The following UBE2D3 variants were observed in gnomAD, a reference collection of about 807,000 sequenced individuals.
UBE2D3 encodes ubiquitin-conjugating enzyme E2 D3.
Under a neutral mutation model 22.8 loss-of-function variants are expected in UBE2D3, and 2 were observed. The observed-to-expected ratio is 0.09, with a 90% CI of 0.04 to 0.28. UBE2D3 has a LOEUF of 0.28. UBE2D3 is among the 10% of genes least tolerant of loss of function. The pLI is 1.00. For synonymous variants in UBE2D3, 56 were observed against 60.4 expected (o/e 0.93, Z 0.34); for missense variants, 27 against 182.5 (o/e 0.15, Z 4.91).
At position 102,868,576 on chromosome 4, in the gene UBE2D3, A is replaced by G. The variant is rs902789952; in HGVS notation, c.-129+139T>C. 4.9e-6 allele frequency: 5 copies of G among 1,011,724 alleles called. No homozygotes were observed. In the African/African-American group the frequency reaches 7.9e-5, roughly 16 times the overall value. 62.7% of individuals were successfully genotyped at this position (1,011,724 alleles called of 1,614,324 possible). A position where few individuals can be genotyped will look rare whatever the true frequency, so the allele number is the denominator to read the frequency against. ...TTTTTTAAGCCTGGCCTTTGGGTGA[A>G]GGAGTAAAATTAGGCACTGGGGTCT... On this transcript the variant is annotated intron_variant, in intron 1 of 7. Transcript: ENST00000338145.
At chr4:102,859,951 T>C (rs1578300076) in intron 1 of UBE2D3, among the ~76,000 whole-genome samples, 1 of 151,894 alleles carries the variant, frequency 6.6e-6, no homozygotes, top group East Asian at 1.9e-4. Context: ...GTTCACACCA[T>C]TCTCCTGCCT....
chr4:102,819,688 A>G, intron 2 of UBE2D3: 1 of 683,492 alleles, frequency 1.5e-6, no homozygotes, highest in Non-Finnish European at 1.8e-6. Flanking sequence ...TACCTTTAAG[A>G]CAGTAAAATT....
chr4:102,813,230 C>T (rs558994889), intron 2 of UBE2D3, among the ~76,000 whole-genome samples: 2 of 152,300 alleles, frequency 1.3e-5, no homozygotes, highest in African/African-American at 4.8e-5. Context: ...ACTACAGTGG[C>T]TATTCACAGG....
At chr4:102,811,155 C>G (rs919814960) in intron 2 of UBE2D3, 13 of 152,178 alleles carry the variant, frequency 8.5e-5, no homozygotes, top group Admixed American at 7.9e-4. Context: ...TGACTGAGAC[C>G]AGCCTGAACA....
intron 4 of UBE2D3, among the ~76,000 whole-genome samples, chr4:102,805,377 C>G (rs1007915591): frequency 1.3e-5 from 2 of 152,174 alleles, no homozygotes; most frequent in South Asian, 4.1e-4. Context: ...TCAAATCGTA[C>G]AAGTCCAGAA....
At chr4:102,802,926 C>G (rs573887968) in intron 4 of UBE2D3, among the ~76,000 whole-genome samples, 6 of 152,242 alleles carry the variant, frequency 3.9e-5, no homozygotes, top group Admixed American at 3.9e-4. Context: ...AAGTACAACA[C>G]AGCAATAAAG....
rs141000801 is a variant in UBE2D3 at position 102,824,001 on chromosome 4, T to C, written c.24+2484A>G. ...CTTGACCCCATATTTCTAGAAGAGG[T>C]GCCTAAACCGAAGAGCATTCCAGTT... is the stretch of plus-strand genomic sequence containing the variant. On this transcript the variant is annotated intron_variant, in intron 2 of 7. Transcript: ENST00000453744. Among the ~76,000 whole-genome samples, 554 of 152,258 alleles carry C rather than the reference T, an allele frequency of 3.6e-3. 1 individual carries two copies. The highest frequency in any genetic ancestry group is 6.8e-3 in the Admixed American group (104 of 15,288).
chr4:102,829,685 C>A (rs571871973), upstream of UBE2D3, among the ~76,000 whole-genome samples: 3 of 152,288 alleles, frequency 2.0e-5, no homozygotes, highest in East Asian at 5.8e-4. Flanking sequence ...CGCCTGTAAT[C>A]CCAGCACTTT....
chr4:102,831,435 C>G (rs75811996), upstream of UBE2D3, among the ~76,000 whole-genome samples: 1 of 152,030 alleles, frequency 6.6e-6, no homozygotes, highest in Admixed American at 6.6e-5. Flanking sequence ...GAGCATTTTT[C>G]CACACAAAAA....
chr4:102,801,766 A>C, intron 5 of UBE2D3: 1 of 432,220 alleles, frequency 2.3e-6, no homozygotes, highest in Non-Finnish European at 4.1e-6. Flanking sequence ...TAAAAATTTC[A>C]TTACTCATAT....
chr4:102,801,287 AG>A (rs989555436), intron 6 of UBE2D3, among the ~76,000 whole-genome samples, 166 bp downstream of exon 6: 9 of 152,020 alleles, frequency 5.9e-5, no homozygotes, highest in African/African-American at 1.7e-4. Context: ...CTTCTCACAA[AG>A]TATCTTTAAT....
At chr4:102,817,332 G>A (rs1728912853) in intron 2 of UBE2D3, among the ~76,000 whole-genome samples, 1 of 152,256 alleles carries the variant, frequency 6.6e-6, no homozygotes, top group African/African-American at 2.4e-5. Flanking sequence ...AATGAGTTTT[G>A]ATTTTTAAAT....
intron 4 of UBE2D3, chr4:102,809,171 AG>A (rs1479827919): frequency 6.0e-6 from 2 of 333,882 alleles, no homozygotes; most frequent in Admixed American, 3.0e-5. Context: ...TACCCAGGAT[AG>A]AAAGGAATTT....
chr4:102,815,729 C>T (rs1229527263), intron 2 of UBE2D3, among the ~76,000 whole-genome samples: 5 of 152,020 alleles, frequency 3.3e-5, no homozygotes, highest in South Asian at 2.1e-4. Flanking sequence ...GCCTTACTTT[C>T]GAAGTTCTCC....
Position 102,826,760 on chromosome 4 carries a change from C to A in UBE2D3, c.-128-124G>T, listed in dbSNP as rs1578270330. ...GTGGCGTGGCAAAGCCACCAACAGC[C>A]TCTGTACCGTGCTTTCGGCCCGAAG... On this transcript the variant is annotated intron_variant, in intron 1 of 7. Coordinates refer to ENST00000453744, the MANE Select transcript of UBE2D3 (RefSeq NM_181891.3). 11 of 1,338,846 alleles carry A rather than the reference C, an allele frequency of 8.2e-6. 1 individual carries two copies. The East Asian group carries it at 3.3e-4, about 40-fold the overall frequency. 82.9% of individuals were successfully genotyped at this position (1,338,846 alleles called of 1,614,324 possible). A position where few individuals can be genotyped will look rare whatever the true frequency, so the allele number is the denominator to read the frequency against.
chr4:102,827,460 C>T lies in UBE2D3; in HGVS notation c.-162G>A, dbSNP rs1322595411. 4.1e-6 allele frequency: 4 copies of T among 986,126 alleles called. No homozygotes were observed. In the South Asian group the frequency reaches 1.4e-4, roughly 35 times the overall value. The allele number at this position is 986,126 out of a possible 1,614,324, so 61.1% of individuals were successfully genotyped here. A position where few individuals can be genotyped will look rare whatever the true frequency, so the allele number is the denominator to read the frequency against. ...CGGGGCCTCCCTCAAGCTGCGGCCT[C>T]GGCCTCCTCCCCGCGCGGCAGCTGG... On this transcript the variant is annotated 5_prime_UTR_variant, in exon 1 of 8. Coordinates refer to ENST00000453744, the MANE Select transcript of UBE2D3 (RefSeq NM_181891.3).
intron 1 of UBE2D3, among the ~76,000 whole-genome samples, chr4:102,836,030 A>G (rs977999874): frequency 2.0e-5 from 3 of 151,078 alleles, no homozygotes; most frequent in Non-Finnish European, 4.4e-5. Flanking sequence ...AGACTTACCT[A>G]TATTGTTGTC....
chr4:102,836,166 TGACTGAGTC>T (rs1731387834), intron 1 of UBE2D3, among the ~76,000 whole-genome samples: 1 of 131,952 alleles, frequency 7.6e-6, no homozygotes, highest in Non-Finnish European at 1.6e-5. Flanking sequence ...TTTTTTTTTG[TGACTGAGTC>T]TCACTCTGTC....
chr4:102,863,002 G>A (rs1325383939), intron 1 of UBE2D3, among the ~76,000 whole-genome samples: 1 of 152,070 alleles, frequency 6.6e-6, no homozygotes, highest in Non-Finnish European at 1.5e-5. Context: ...AGAGAGAAAG[G>A]CCAGAAGTGA....
Sources: gnomAD v4.1 joint callset for allele counts (sites outside exome capture counted in the v4.1 genomes callset) on GRCh38, gnomAD v4.1.1 for gene constraint, MANE v1.5 for transcripts, NCBI Gene and HGNC (gene_info 2026-07-23, HGNC 2026-07-21) for gene names.